The following NALCN variants were observed in gnomAD, a reference collection of about 807,000 sequenced individuals.
The protein encoded by NALCN is sodium leak channel, non-selective.
In NALCN, 111 loss-of-function variants were observed where a neutral mutation model predicts 225.3. The observed-to-expected ratio is 0.49, with a 90% confidence interval of 0.42 to 0.58. The LOEUF is 0.58. Ranked by LOEUF, NALCN falls within the 20% of genes least tolerant of loss-of-function variation. The pLI is 0.00. For missense variants in NALCN, 1,378 were observed against 2,202.4 expected, an observed-to-expected ratio of 0.63 and a Z score of 7.49; for synonymous variants, 764 against 769.0, an observed-to-expected ratio of 0.99 and a Z score of 0.11.
chr13:101,409,718 G>C (rs750250776), intron 1 of NALCN, among the ~76,000 whole-genome samples: 5 of 152,170 alleles, frequency 3.3e-5, no homozygotes, highest in Non-Finnish European at 5.9e-5. Context: ...CATAACAGAA[G>C]ATCAAAGGGA....
intron 6 of NALCN, among the ~76,000 whole-genome samples, chr13:101,347,604 A>G (rs1015223800): frequency 2.6e-5 from 4 of 152,180 alleles, no homozygotes; most frequent in African/African-American, 9.6e-5. Flanking sequence ...TGGTACCTAC[A>G]ATATAACAGT....
intron 1 of NALCN, among the ~76,000 whole-genome samples, chr13:101,414,399 C>G (rs1032805952): frequency 6.6e-6 from 1 of 152,138 alleles, no homozygotes. Flanking sequence ...TGTGAATTTT[C>G]ATTCACAAAC....
chr13:101,244,933 G>A (rs1374169044), intron 11 of NALCN, among the ~76,000 whole-genome samples: 2 of 152,190 alleles, frequency 1.3e-5, no homozygotes, highest in Non-Finnish European at 2.9e-5. Context: ...GAATTTGCCA[G>A]GGGCATGCTG....
intron 6 of NALCN, among the ~76,000 whole-genome samples, chr13:101,349,185 G>T (rs994638898): frequency 6.6e-6 from 1 of 152,114 alleles, no homozygotes; most frequent in Admixed American, 6.6e-5. Flanking sequence ...CTTGAATAAA[G>T]TATCTACTTG....
chr13:101,068,102 A>ACAT (rs2032570015), intron 38 of NALCN, 69 bp from the exon 39 acceptor site: 1 of 941,786 alleles, frequency 1.1e-6, no homozygotes, highest in Admixed American at 2.8e-5. Flanking sequence ...AAAGAGTAAA[A>ACAT]CATCTATTAT....
intron 13 of NALCN, among the ~76,000 whole-genome samples, chr13:101,200,502 C>T (rs969191571): frequency 6.6e-6 from 1 of 152,068 alleles, no homozygotes; most frequent in Admixed American, 6.6e-5. Context: ...TTAAGAGCGT[C>T]GGATAAAAAT....
At chr13:101,081,792 T>A (rs1254223079) in intron 33 of NALCN, 146 bp from the exon 34 acceptor site, 1 of 1,115,668 alleles carries the variant, frequency 9.0e-7, no homozygotes, top group African/African-American at 1.6e-5. Context: ...ATCTTTTCCA[T>A]TGAAAATGAG....
chr13:101,061,615 A>G (rs1314937655), intron 41 of NALCN, among the ~76,000 whole-genome samples: 2 of 152,150 alleles, frequency 1.3e-5, no homozygotes, highest in Non-Finnish European at 1.5e-5. Context: ...CCTGGCCTCA[A>G]GTGAGTTGAG....
chr13:101,176,482 T>G, intron 14 of NALCN, 108 bp from the exon 15 acceptor site: 1 of 663,262 alleles, frequency 1.5e-6, no homozygotes. Flanking sequence ...ATTCATTAAA[T>G]GCAAAATAAA....
chr13:101,086,474 G>A (rs994595064), intron 30 of NALCN, among the ~76,000 whole-genome samples: 4 of 151,794 alleles, frequency 2.6e-5, no homozygotes, highest in Non-Finnish European at 1.5e-5. Flanking sequence ...TTTCCAAATT[G>A]TAGAGTTTTT....
chr13:101,234,432 G>A (rs1344583121), intron 12 of NALCN, among the ~76,000 whole-genome samples: 1 of 152,194 alleles, frequency 6.6e-6, no homozygotes, highest in Non-Finnish European at 1.5e-5. Flanking sequence ...TGAGAAATAT[G>A]AAATTGTCTA....
chr13:101,416,966 C>G (rs1594806436), upstream of NALCN, among the ~76,000 whole-genome samples: 1 of 151,874 alleles, frequency 6.6e-6, no homozygotes, highest in African/African-American at 2.4e-5. Flanking sequence ...AGTTTCACCC[C>G]GGAGTTATTA....
chr13:101,397,341 A>T (rs2047338777), intron 2 of NALCN, among the ~76,000 whole-genome samples: 2 of 150,384 alleles, frequency 1.3e-5, no homozygotes, highest in South Asian at 4.2e-4. Flanking sequence ...CACATTATAT[A>T]ACATTATAAA....
At chr13:101,144,726 T>C (rs774827191) in intron 16 of NALCN, 34 bp downstream of exon 16, 40 of 1,591,372 alleles carry the variant, frequency 2.5e-5, no homozygotes, top group East Asian at 9.0e-5. Context: ...TTACAATATA[T>C]GTGAAATATG....
chr13:101,063,616 G>A (rs990799910), intron 40 of NALCN, among the ~76,000 whole-genome samples: 11 of 152,282 alleles, frequency 7.2e-5, no homozygotes, highest in South Asian at 2.1e-4. Context: ...GCATTTCTCC[G>A]TCCCATGTTT....
chr13:101,310,505 A>G (rs2044303449), intron 7 of NALCN, among the ~76,000 whole-genome samples: 1 of 152,000 alleles, frequency 6.6e-6, no homozygotes, highest in African/African-American at 2.4e-5. Context: ...CCTTGAAGGG[A>G]CACCTTCATG....
intron 14 of NALCN, chr13:101,181,111 G>C (rs181801338): frequency 1.9e-6 from 1 of 518,946 alleles, no homozygotes; most frequent in East Asian, 5.5e-5. Context: ...AAGATTGTGA[G>C]ACAATGACAG....
intron 9 of NALCN, among the ~76,000 whole-genome samples, chr13:101,286,285 C>T (rs2043336141): frequency 6.6e-6 from 1 of 152,148 alleles, no homozygotes; most frequent in Admixed American, 6.6e-5. Context: ...TGTATGGGGC[C>T]ACTAGGCTAC....
chr13:101,061,302 T>A (rs2031916037), intron 41 of NALCN, among the ~76,000 whole-genome samples: 1 of 152,218 alleles, frequency 6.6e-6, no homozygotes, highest in South Asian at 2.1e-4. Context: ...TTTAAAGTAG[T>A]TTTGCAAATT....
Sources: gnomAD v4.1 joint callset for allele counts (sites outside exome capture counted in the v4.1 genomes callset) on GRCh38, gnomAD v4.1.1 for gene constraint, MANE v1.5 for transcripts, NCBI Gene and HGNC (gene_info 2026-07-23, HGNC 2026-07-21) for gene names.